Variants in ZNF324 observed in about 807,000 individuals in gnomAD.
The protein encoded by ZNF324 is zinc finger protein 324A.
A neutral mutation model predicts 10.3 loss-of-function variants in ZNF324; 3 were observed. The observed-to-expected ratio is 0.29, with a 90% CI of 0.13 to 0.75. The LOEUF (loss-of-function observed/expected upper bound fraction) is 0.75, where lower values mean the gene tolerates loss of function less well. Ranked by LOEUF, ZNF324 falls within the 30% of genes least tolerant of loss-of-function variation. ZNF324 has a pLI of 0.69. For synonymous variants in ZNF324, 430 were observed against 339.5 expected (o/e 1.27, Z -2.93); for missense variants, 763 against 784.4 (o/e 0.97, Z 0.33).
chr19:58,471,787 G>A lies in ZNF324; in HGVS notation c.1295G>A (p.Arg432His). 6.2e-7 allele frequency: 1 copy of A among 1,612,924 alleles called. No individual in the cohort carries two copies. The highest frequency in any genetic ancestry group is 8.5e-7 in the Non-Finnish European group (1 of 1,179,842). ...EKPFACPQCG[R>H]AFSHSSNLTQ... The stretch of plus-strand genomic sequence containing the variant: ...CCCTTCGCCTGCCCACAGTGCGGCC[G>A]CGCCTTTAGCCACAGCTCCAACCTC... The change falls in exon 4 of 4, where the codon CGC (arginine) becomes CAC (histidine). Residue 432 changes from arginine to histidine, a missense_variant. Physicochemically the swap from Arg to His is conservative, Grantham distance 29. This residue lies in a region of ZNF324 where 231 missense variants were observed against 196.0 expected (regional missense o/e 1.18). Coordinates refer to ENST00000196482, the MANE Select transcript of ZNF324 (RefSeq NM_014347.3).
rs752487784 is a variant in ZNF324 at position 58,472,205 on chromosome 19, G to A, written c.*51G>A. The A allele has an allele frequency of 1.3e-5, 20 of 1,500,054 alleles. 1 individual carries two copies. The South Asian group carries it at 2.4e-4, about 18-fold the overall frequency. The allele number at this position is 1,500,054 out of a possible 1,614,324, so 92.9% of individuals were successfully genotyped here. A position where few individuals can be genotyped will look rare whatever the true frequency, so the allele number is the denominator to read the frequency against. On this transcript the variant is annotated 3_prime_UTR_variant, in exon 4 of 4. Transcript: ENST00000196482. ...CTGTGAATCCCTTCCACAGCTAAAG[G>A]GCATATGTCCTCTGCAGATCCACAG...
chr19:58,469,394 G>A, intron 2 of ZNF324, 88 bp downstream of exon 2: 1 of 1,543,988 alleles, frequency 6.5e-7, no homozygotes, highest in African/African-American at 1.4e-5. Context: ...TGGCTGACGA[G>A]CAGGCCTATA....
intron 1 of ZNF324, among the ~76,000 whole-genome samples, chr19:58,468,677 C>T (rs917003283): frequency 6.6e-6 from 1 of 152,096 alleles, no homozygotes; most frequent in African/African-American, 2.4e-5. Flanking sequence ...CCTGGGGCTG[C>T]TCTTGGTGTG....
In ZNF324 at chr19:58,475,316, C is replaced by G. The variant is rs1230565378; in HGVS notation, c.*3162C>G. 3.9e-5 allele frequency: 6 copies of G among 152,188 alleles called. No homozygotes were observed. The highest frequency in any genetic ancestry group is 8.8e-5 in the Non-Finnish European group (6 of 68,044). 9.4% of individuals were successfully genotyped at this position (152,188 alleles called of 1,614,324 possible). ...GCTCGGCCACTTTTAAGTGTGGAAGCAAAACTGACCCCACAGATTTAGAAA... is the reference window on the plus strand; with the variant it reads ...GCTCGGCCACTTTTAAGTGTGGAAGGAAAACTGACCCCACAGATTTAGAAA... On this transcript the variant is annotated 3_prime_UTR_variant, in exon 4 of 4. Coordinates refer to ENST00000196482, the MANE Select transcript of ZNF324 (RefSeq NM_014347.3).
Position 58,469,864 on chromosome 19 carries a change from G to A in ZNF324, c.238+20G>A, listed in dbSNP as rs1221228997. ...ACCCTGGTGAGAGGGAGCTCAGGGT[G>A]GGGTGAATTCAGGACCAACCTGTGG... is the stretch of plus-strand genomic sequence containing the variant. On this transcript the variant is annotated intron_variant, in intron 3 of 3. Transcript: ENST00000196482. The A allele has an allele frequency of 6.7e-7, 1 of 1,498,286 alleles. No individual in the cohort carries two copies. The highest frequency in any genetic ancestry group is 9.2e-7 in the Non-Finnish European group (1 of 1,088,536). The allele number at this position is 1,498,286 out of a possible 1,614,324, so 92.8% of individuals were successfully genotyped here. A position where few individuals can be genotyped will look rare whatever the true frequency, so the allele number is the denominator to read the frequency against.
In ZNF324 at chr19:58,475,101, C is replaced by T. The variant is rs537274806; in HGVS notation, c.*2947C>T. On this transcript the variant is annotated 3_prime_UTR_variant, in exon 4 of 4. Transcript: ENST00000196482. ...TAGTCCCAGAGAAAAGGCCTAAGCA[C>T]CTCATCCCCAAAAACAACCTGAGGA... 7.2e-5 allele frequency: 11 copies of T among 152,120 alleles called. No homozygotes were observed. Among genetic ancestry groups the T allele is most frequent in the Non-Finnish European group, 1.5e-4 (10 of 68,020 alleles). 9.4% of individuals were successfully genotyped at this position (152,120 alleles called of 1,614,324 possible). A position where few individuals can be genotyped will look rare whatever the true frequency, so the allele number is the denominator to read the frequency against.
chr19:58,469,617 G>A (rs1205464903), intron 2 of ZNF324, 111 bp from the exon 3 acceptor site: 2 of 917,324 alleles, frequency 2.2e-6, no homozygotes, highest in Admixed American at 2.1e-5. Context: ...AGATTCTGCA[G>A]TTGCACAGAT....
chr19:58,472,217 C>A lies in ZNF324; in HGVS notation c.*63C>A. 1 of 1,453,662 alleles carries A rather than the reference C, an allele frequency of 6.9e-7. No homozygotes were observed. Among genetic ancestry groups the A allele is most frequent in the Non-Finnish European group, 9.1e-7 (1 of 1,093,742 alleles). The allele number at this position is 1,453,662 out of a possible 1,614,324, so 90.0% of individuals were successfully genotyped here. On this transcript the variant is annotated 3_prime_UTR_variant, in exon 4 of 4. Transcript: ENST00000196482. ...TCCACAGCTAAAGGGCATATGTCCTCTGCAGATCCACAGCAGAGAAAAAGT... is the reference window on the plus strand; with the variant it reads ...TCCACAGCTAAAGGGCATATGTCCTATGCAGATCCACAGCAGAGAAAAAGT...
chr19:58,468,737 T>C (rs2053002753), intron 1 of ZNF324, among the ~76,000 whole-genome samples: 1 of 151,978 alleles, frequency 6.6e-6, no homozygotes, highest in Admixed American at 6.5e-5. Context: ...GTGTATGGCG[T>C]TGCCAGTGGG....
In ZNF324 at chr19:58,471,758, G is replaced by T; in HGVS notation, c.1266G>T (p.Glu422Asp). Residue 422 changes from glutamate (E) to aspartate (D), a missense_variant, in exon 4 of 4, where the codon GAG becomes GAT. Physicochemically the swap from Glu to Asp is conservative, Grantham distance 45 (BLOSUM62 2). This residue lies in a region of ZNF324 where 231 missense variants were observed against 196.0 expected (regional missense o/e 1.18). Transcript: ENST00000196482. ...LFKHQRVHTG[E>D]KPFACPQCGR... ...AGCACCAGCGCGTGCACACAGGCGAGAAGCCCTTCGCCTGCCCACAGTGCG... is the reference window on the plus strand; with the variant it reads ...AGCACCAGCGCGTGCACACAGGCGATAAGCCCTTCGCCTGCCCACAGTGCG... 6.2e-7 allele frequency: 1 copy of T among 1,612,886 alleles called. No homozygotes were observed.
intron 1 of ZNF324, chr19:58,468,171 A>T (rs2052998332): frequency 1.0e-6 from 1 of 984,828 alleles, no homozygotes; most frequent in Admixed American, 6.2e-5. Context: ...AAAGATCAAG[A>T]GTCTGGGATG....
In ZNF324 at chr19:58,471,939, T is replaced by G; in HGVS notation, c.1447T>G (p.Cys483Gly). Reference protein sequence around the residue: ...RIHTGEKPFVCTQCGRAFRER... With the variant: ...RIHTGEKPFVGTQCGRAFRER... The stretch of plus-strand genomic sequence containing the variant: ...TCACACGGGCGAGAAGCCCTTCGTG[T>G]GTACGCAGTGTGGCCGCGCCTTCCG... The change falls in exon 4 of 4, where the codon TGT becomes GGT. Residue 483 changes from cysteine to glycine, a missense_variant. By Grantham distance (159) the Cys-to-Gly change is radical. Transcript: ENST00000196482. 1 of 1,609,742 alleles carries G rather than the reference T, an allele frequency of 6.2e-7. No individual in the cohort carries two copies. Among genetic ancestry groups the G allele is most frequent in the Non-Finnish European group, 8.5e-7 (1 of 1,178,922 alleles).
intron 3 of ZNF324, chr19:58,470,494 C>A (rs1221182268): frequency 3.1e-6 from 2 of 639,356 alleles, no homozygotes; most frequent in South Asian, 1.7e-5. Context: ...GCTTCACATC[C>A]TGGGTGTCGG....
rs538611426 is a variant in ZNF324 at position 58,467,105 on chromosome 19, C to G, written c.-85C>G. ...ACTTCGCCGCCCGCGTCAGGCCACA[C>G]CGGTGGTCTGGGCTGGGGACCGCGG... On this transcript the variant is annotated 5_prime_UTR_variant, in exon 1 of 4. Transcript: ENST00000196482. 5.8e-5 allele frequency: 11 copies of G among 189,078 alleles called. No individual in the cohort carries two copies. In the South Asian group the frequency reaches 1.2e-3, roughly 21 times the overall value. The allele number at this position is 189,078 out of a possible 1,614,324, so 11.7% of individuals were successfully genotyped here.
At chr19:58,467,952 G>A (rs548609605) in intron 1 of ZNF324, among the ~76,000 whole-genome samples, 1 of 151,930 alleles carries the variant, frequency 6.6e-6, no homozygotes, top group African/African-American at 2.4e-5. Flanking sequence ...ACATGCAGGG[G>A]TGTCGGCATG....
In ZNF324 at chr19:58,474,375, GCTT is replaced by G. The variant is rs1568614605; in HGVS notation, c.*2225_*2227del. ...AATCATTTCTATGCCTCTGACAGAC[GCTT>G]CTTGAGCGAAGTTTCTGCCCTGAGC... On this transcript the variant is annotated 3_prime_UTR_variant, in exon 4 of 4. Transcript: ENST00000196482. 1 of 152,140 alleles carries G rather than the reference GCTT, an allele frequency of 6.6e-6. No individual in the cohort carries two copies. The highest frequency in any genetic ancestry group is 1.5e-5 in the Non-Finnish European group (1 of 68,044). 9.4% of individuals were successfully genotyped at this position (152,140 alleles called of 1,614,324 possible). A position where few individuals can be genotyped will look rare whatever the true frequency, so the allele number is the denominator to read the frequency against.
chr19:58,472,267 G>C lies in ZNF324; in HGVS notation c.*113G>C. 1 of 1,188,716 alleles carries C rather than the reference G, an allele frequency of 8.4e-7. No individual in the cohort carries two copies. The highest frequency in any genetic ancestry group is 1.1e-6 in the Non-Finnish European group (1 of 874,666). 73.6% of individuals were successfully genotyped at this position (1,188,716 alleles called of 1,614,324 possible). On this transcript the variant is annotated 3_prime_UTR_variant, in exon 4 of 4. Transcript: ENST00000196482. ...TCCCGTGCTTGCTAGTCAGGGACAA[G>C]GGAGGCCCTTTGGCTGTGATTTCAT...
In ZNF324 at chr19:58,469,720, C is replaced by T. The variant is rs764923091; in HGVS notation, c.122-8C>T. ...GGCTGGACTCTAACCTGCACCTCCT[C>T]CTCACAGGACTCTCCACCTCTCGAC... On this transcript the variant is annotated splice_polypyrimidine_tract_variant and splice_region_variant and intron_variant, in intron 2 of 3. Transcript: ENST00000196482. 15 of 1,565,556 alleles carry T rather than the reference C, an allele frequency of 9.6e-6. No homozygotes were observed. Among genetic ancestry groups the T allele is most frequent in the Middle Eastern group, 3.5e-4 (2 of 5,796 alleles).
chr19:58,468,505 G>A (rs1453497891), intron 1 of ZNF324, among the ~76,000 whole-genome samples: 1 of 152,138 alleles, frequency 6.6e-6, no homozygotes, highest in Non-Finnish European at 1.5e-5. Flanking sequence ...CAGGCTGGAT[G>A]AGCAGCCTGG....
Sources: allele counts gnomAD v4.1 joint callset (sites outside exome capture counted in the v4.1 genomes callset), GRCh38; gene constraint gnomAD v4.1.1; regional missense constraint gnomAD v4.1.1; transcripts MANE v1.5; gene names NCBI Gene and HGNC (gene_info 2026-07-23, HGNC 2026-07-21).